Variants in MTMR12 observed in about 807,000 individuals in gnomAD.
MTMR12 encodes myotubularin related protein 12, also known as myotubularin-related protein 12.
MTMR12 carries 33 observed loss-of-function variants against 96.7 expected under a neutral mutation model. That is an observed-to-expected ratio of 0.34 (90% CI 0.26 to 0.46). The LOEUF is 0.46. MTMR12 is among the 20% of genes least tolerant of loss of function. The pLI is 1.00. For missense variants in MTMR12, 721 were observed against 896.1 expected (o/e 0.80, Z 2.49); for synonymous variants, 298 against 327.2 (o/e 0.91, Z 0.96).
At chr5:32,240,398 C>CAAAAAA (rs72026064) in intron 12 of MTMR12, among the ~76,000 whole-genome samples, 1 of 100,076 alleles carries the variant, frequency 1.0e-5, no homozygotes, top group Non-Finnish European at 2.1e-5. Context: ...GACTCCGTCT[C>CAAAAAA]AAAAAAAAAA....
At chr5:32,268,986 A>G (rs901866796) in intron 5 of MTMR12, among the ~76,000 whole-genome samples, 192 bp from the exon 6 acceptor site, 24 of 151,892 alleles carry the variant, frequency 1.6e-4, no homozygotes, top group Middle Eastern at 3.4e-3. Flanking sequence ...GATGCTAACC[A>G]TTTTGTGAGG....
chr5:32,246,939 T>A (rs1350708687), intron 10 of MTMR12, among the ~76,000 whole-genome samples: 1 of 152,208 alleles, frequency 6.6e-6, no homozygotes, highest in Non-Finnish European at 1.5e-5. Context: ...TTGGAATTCA[T>A]GTGTAGTTTT....
chr5:32,239,640 A>G (rs1370015066), intron 12 of MTMR12, among the ~76,000 whole-genome samples: 1 of 152,212 alleles, frequency 6.6e-6, no homozygotes. Context: ...TTCATGGCTC[A>G]GCTGCTTCTC....
intron 1 of MTMR12, among the ~76,000 whole-genome samples, chr5:32,305,613 G>A (rs1462129820): frequency 6.6e-6 from 1 of 152,088 alleles, no homozygotes; most frequent in Non-Finnish European, 1.5e-5. Flanking sequence ...ACAATATCTG[G>A]GATACCGCGG....
chr5:32,284,246 AG>A (rs1750430598), intron 1 of MTMR12, among the ~76,000 whole-genome samples: 2 of 144,158 alleles, frequency 1.4e-5, no homozygotes, highest in South Asian at 2.3e-4. Context: ...TCAGCCTGGG[AG>A]GTCAAGGCTG....
chr5:32,250,961 G>C (rs58025101), intron 8 of MTMR12, among the ~76,000 whole-genome samples: 4,848 of 152,040 alleles, frequency 0.032, 264 homozygotes, highest in African/African-American at 0.11. Context: ...CTTAGTATGA[G>C]TGACTTCATA....
At chr5:32,278,167 G>A in intron 1 of MTMR12, among the ~76,000 whole-genome samples, 1 of 152,142 alleles carries the variant, frequency 6.6e-6, no homozygotes, top group East Asian at 1.9e-4. Flanking sequence ...AGGCACCATG[G>A]GCCTCCTAAT....
At chr5:32,311,260 T>C (rs1347849191) in intron 1 of MTMR12, among the ~76,000 whole-genome samples, 2 of 152,216 alleles carry the variant, frequency 1.3e-5, no homozygotes, top group East Asian at 3.8e-4. Flanking sequence ...ATTGACCACA[T>C]TGCTTAAATG....
chr5:32,287,882 A>G (rs887305161), intron 1 of MTMR12, among the ~76,000 whole-genome samples: 27 of 152,228 alleles, frequency 1.8e-4, no homozygotes, highest in Admixed American at 6.5e-5. Flanking sequence ...ACCAAGGGAC[A>G]TAATGAAGCT....
Position 32,291,183 on chromosome 5 carries a change from T to C in MTMR12, c.82-14441A>G, listed in dbSNP as rs184706890. Among the ~76,000 whole-genome samples, 282 of 152,236 alleles carry C rather than the reference T, an allele frequency of 1.9e-3. 1 individual carries two copies. Among genetic ancestry groups the C allele is most frequent in the African/African-American group, 6.5e-3 (270 of 41,526 alleles). ...TGATCAGATGACAGGAAGAGAAAACTAGGGCCTGGTTCACAGATGGTTCTG... is the reference window on the plus strand; with the variant it reads ...TGATCAGATGACAGGAAGAGAAAACCAGGGCCTGGTTCACAGATGGTTCTG... On this transcript the variant is annotated intron_variant, in intron 1 of 15. Transcript: ENST00000382142.
chr5:32,283,140 A>G (rs916657351), intron 1 of MTMR12, among the ~76,000 whole-genome samples: 1 of 152,162 alleles, frequency 6.6e-6, no homozygotes, highest in African/African-American at 2.4e-5. Flanking sequence ...TGTTGTTTTC[A>G]TTGGCAAATT....
Position 32,228,607 on chromosome 5 carries a change from T to TATGATATATGTTATATATATATCA in MTMR12, c.*1170_*1171insTGATATATATATAACATATATCAT, listed in dbSNP as rs1554053440. 8.5e-6 allele frequency: 1 copy of TATGATATATGTTATATATATATCA among 117,350 alleles called. No individual in the cohort carries two copies. Among genetic ancestry groups the TATGATATATGTTATATATATATCA allele is most frequent in the African/African-American group, 3.2e-5 (1 of 31,268 alleles). 7.3% of individuals were successfully genotyped at this position (117,350 alleles called of 1,614,324 possible). A position where few individuals can be genotyped will look rare whatever the true frequency, so the allele number is the denominator to read the frequency against. On this transcript the variant is annotated 3_prime_UTR_variant, in exon 16 of 16. Coordinates refer to ENST00000382142, the MANE Select transcript of MTMR12 (RefSeq NM_001040446.3). ...TATATATGTGATATATATATATATA[T>TATGATATATGTTATATATATATCA]CATATATATGATATATATATATCAC...
chr5:32,270,769 G>T, intron 5 of MTMR12, 48 bp downstream of exon 5: 1 of 1,557,126 alleles, frequency 6.4e-7, no homozygotes, highest in Non-Finnish European at 8.7e-7. Context: ...GAGCTAGTGG[G>T]GAAAACCTGA....
Position 32,255,684 on chromosome 5 carries a change from T to C in MTMR12, c.789+9A>G. ...ACCCACACCTTTCAGGGTTCCCAGA[T>C]GCACTTACTGGTATGCCATGACCCT... On this transcript the variant is annotated intron_variant, in intron 8 of 15. Coordinates refer to ENST00000382142, the MANE Select transcript of MTMR12 (RefSeq NM_001040446.3). 1 of 1,606,098 alleles carries C rather than the reference T, an allele frequency of 6.2e-7. No homozygotes were observed. The highest frequency in any genetic ancestry group is 8.5e-7 in the Non-Finnish European group (1 of 1,175,808).
chr5:32,262,652 A>G (rs1375528615), intron 7 of MTMR12, among the ~76,000 whole-genome samples: 1 of 152,172 alleles, frequency 6.6e-6, no homozygotes, highest in Non-Finnish European at 1.5e-5. Context: ...AACATTATTC[A>G]AAGAGCCAAA....
chr5:32,236,825 G>A (rs1161256970), intron 13 of MTMR12, among the ~76,000 whole-genome samples: 6 of 141,988 alleles, frequency 4.2e-5, no homozygotes, highest in Non-Finnish European at 6.0e-5. Context: ...CAACACGAGC[G>A]AAACTCCTTC....
intron 1 of MTMR12, among the ~76,000 whole-genome samples, chr5:32,302,624 G>A (rs1432986565): frequency 1.3e-5 from 2 of 152,072 alleles, no homozygotes; most frequent in Non-Finnish European, 2.9e-5. Flanking sequence ...GGCTGAGGCA[G>A]GCGAATCGCT....
chr5:32,306,344 G>T (rs1210816411), intron 1 of MTMR12, among the ~76,000 whole-genome samples: 1 of 152,146 alleles, frequency 6.6e-6, no homozygotes, highest in Non-Finnish European at 1.5e-5. Flanking sequence ...GGGAAAATGA[G>T]ATATGCGTAG....
chr5:32,300,931 CG>C (rs1751115993), intron 1 of MTMR12, among the ~76,000 whole-genome samples: 1 of 151,978 alleles, frequency 6.6e-6, no homozygotes, highest in South Asian at 2.1e-4. Flanking sequence ...AAAAATTAGC[CG>C]GGTGTGGTGG....
Sources: gnomAD v4.1 joint callset for allele counts (sites outside exome capture counted in the v4.1 genomes callset) on GRCh38, gnomAD v4.1.1 for gene constraint, MANE v1.5 for transcripts, NCBI Gene and HGNC (gene_info 2026-07-23, HGNC 2026-07-21) for gene names.